The following IGSF9 variants were observed in gnomAD, a reference collection of about 807,000 sequenced individuals.
IGSF9 encodes immunoglobulin superfamily member 9.
IGSF9 carries 87 observed loss-of-function variants against 121.7 expected under a neutral mutation model. The ratio of observed to expected loss-of-function variants is 0.71; its 90% CI spans 0.60 to 0.85. The LOEUF (loss-of-function observed/expected upper bound fraction) is 0.85, where lower values mean the gene tolerates loss of function less well. IGSF9 is among the 40% of genes least tolerant of loss of function. The pLI is 0.00. For missense variants in IGSF9, 1,462 were observed against 1,565.3 expected (o/e 0.93, Z 1.11); for synonymous variants, 640 against 648.4 (o/e 0.99, Z 0.20).
rs541066961 is a variant in IGSF9, at chr1:159,929,152, T to G, written c.2370-134A>C. 4.5e-6 allele frequency: 6 copies of G among 1,321,926 alleles called. No homozygotes were observed. The East Asian group carries it at 1.5e-4, about 33-fold the overall frequency. 81.9% of individuals were successfully genotyped at this position (1,321,926 alleles called of 1,614,324 possible). Reference sequence around the variant, plus strand: ...ACAAGCGAGGAAAGGACCAACAAGGTGGAGGGGTGGAGGGAAGGCACAGGC... The same window carrying G: ...ACAAGCGAGGAAAGGACCAACAAGGGGGAGGGGTGGAGGGAAGGCACAGGC... On this transcript the variant is annotated intron_variant, in intron 18 of 20. Transcript: ENST00000368094.
At position 159,932,058 on chromosome 1, in the gene IGSF9, C is replaced by G. The variant is rs941555505; in HGVS notation, c.1246-130G>C. 9 of 634,278 alleles carry G rather than the reference C, an allele frequency of 1.4e-5. No individual in the cohort carries two copies. The African/African-American group carries it at 1.5e-4, about 10-fold the overall frequency. The allele number at this position is 634,278 out of a possible 1,614,324, so 39.3% of individuals were successfully genotyped here. On this transcript the variant is annotated intron_variant, in intron 10 of 20. Transcript: ENST00000368094. The surrounding 1 kb of genome is among the most constrained non-coding windows in gnomAD (Gnocchi z 4.1). ...TCACTCCCCCTAGCTAAACACTCAC[C>G]AAGCCTGTCTCTACCTCATTCTCTC...
At chr1:159,927,991 G>A (rs1650805967) in intron 19 of IGSF9, 104 bp from the exon 20 acceptor site, 1 of 1,500,714 alleles carries the variant, frequency 6.7e-7, no homozygotes, top group African/African-American at 1.4e-5. Context: ...TAGGTCATGG[G>A]TTTCCCCTGA....
Position 159,927,538 on chromosome 1 carries a change from G to A in IGSF9, c.3359-12C>T, listed in dbSNP as rs41264833. 38,693 of 1,607,200 alleles carry A rather than the reference G, an allele frequency of 0.024. 881 individuals carry two copies. Among genetic ancestry groups the A allele is most frequent in the South Asian group, 0.099 (8,980 of 90,696 alleles). ...TGGAGTCTTCACACCTGCAAGAGGC[G>A]GGCAGGACAATGAGAAGAAGCCCTG... On this transcript the variant is annotated splice_polypyrimidine_tract_variant and intron_variant, in intron 20 of 20. Transcript: ENST00000368094.
chr1:159,943,509 G>C lies in IGSF9; in HGVS notation c.-55C>G. 1 of 1,467,712 alleles carries C rather than the reference G, an allele frequency of 6.8e-7. No homozygotes were observed. Among genetic ancestry groups the C allele is most frequent in the East Asian group, 2.5e-5 (1 of 40,118 alleles). 90.9% of individuals were successfully genotyped at this position (1,467,712 alleles called of 1,614,324 possible). ...CCTATCCACAGGAGCCCAGATGGAG[G>C]GGCCAAGGGATGTCCTTCTGATCAG... On this transcript the variant is annotated 5_prime_UTR_variant, in exon 2 of 21. Coordinates refer to ENST00000368094, the MANE Select transcript of IGSF9 (RefSeq NM_001135050.2).
Position 159,934,498 on chromosome 1 carries a change from G to C in IGSF9, c.888C>G (p.Ala296=). ...LRLLATQPDD[A]GCYTCVPSNG... ...TGCTGGGCACACAGGTGTAGCAGCC[G>C]GCATCATCAGGCTGGGTGGCCAGCA... is the stretch of plus-strand genomic sequence containing the variant. The change falls in exon 8 of 21, where the codon GCC becomes GCG. Residue 296 remains alanine (A), a synonymous_variant. Coordinates refer to ENST00000368094, the MANE Select transcript of IGSF9 (RefSeq NM_001135050.2). The C allele has an allele frequency of 1.2e-6, 2 of 1,612,472 alleles. No homozygotes were observed. Among genetic ancestry groups the C allele is most frequent in the Admixed American group, 1.7e-5 (1 of 59,848 alleles).
rs767110567 is a variant in IGSF9, at chr1:159,931,850, C to A, written c.1324G>T (p.Ala442Ser). 2 of 1,593,400 alleles carry A rather than the reference C, an allele frequency of 1.3e-6. No individual in the cohort carries two copies. Among genetic ancestry groups the A allele is most frequent in the Non-Finnish European group, 8.5e-7 (1 of 1,172,342 alleles). ...VGRELLIPCS[A>S]QGDPPPVVSW... The stretch of plus-strand genomic sequence containing the variant: ...ACAACAGGAGGAGGGTCCCCTTGGG[C>A]GGAGCAGGGGATGAGCAGCTCCCGC... Residue 442 changes from alanine to serine, a missense_variant, in exon 11 of 21, where the codon GCC becomes TCC. Physicochemically the swap from Ala to Ser is moderately conservative, Grantham distance 99 (BLOSUM62 1). Coordinates refer to ENST00000368094, the MANE Select transcript of IGSF9 (RefSeq NM_001135050.2). This position sits in a 1 kb window ranked among gnomAD's most constrained non-coding sequence, Gnocchi z 4.8.
rs1394896984 is a variant in IGSF9 at position 159,930,787 on chromosome 1, C to G, written c.1718G>C (p.Gly573Ala). The G allele has an allele frequency of 6.2e-7, 1 of 1,614,104 alleles. No individual in the cohort carries two copies. Among genetic ancestry groups the G allele is most frequent in the Non-Finnish European group, 8.5e-7 (1 of 1,179,986 alleles). The change falls in exon 14 of 21, where the codon GGG becomes GCG. Residue 573 changes from glycine (G) to alanine (A), a missense_variant. By Grantham distance (60) the Gly-to-Ala change is moderately conservative (BLOSUM62 0). Transcript: ENST00000368094. ...CTGGTACTGGGTGTGGGGCTGCAGC[C>G]CTGGCACTAGGAGGTGAGCAGCCCC... ...PVGAAHLLVP[G>A]LQPHTQYQFS...
Position 159,929,878 on chromosome 1 carries a change from G to T in IGSF9, c.2149+13C>A, listed in dbSNP as rs376338236. The T allele has an allele frequency of 1.9e-5, 30 of 1,576,798 alleles. No individual in the cohort carries two copies. The highest frequency in any genetic ancestry group is 1.2e-4 in the African/African-American group (9 of 73,968). ...AGCAGCCCTGGGGCTCCTCCCTCAC[G>T]CCAGGTGCTCACCGGAAGTGGAGAC... On this transcript the variant is annotated intron_variant, in intron 16 of 20. Transcript: ENST00000368094.
chr1:159,943,982 T>C (rs1651500372), intron 1 of IGSF9, among the ~76,000 whole-genome samples: 1 of 152,012 alleles, frequency 6.6e-6, no homozygotes, highest in African/African-American at 2.4e-5. Flanking sequence ...GAAAAATATT[T>C]TTGAAGGAAG....
chr1:159,927,876 G>C lies in IGSF9; in HGVS notation c.3242C>G (p.Ser1081Cys). The change falls in exon 20 of 21, where the codon TCT becomes TGT. Residue 1081 changes from serine (S) to cysteine (C), a missense_variant. Physicochemically the swap from Ser to Cys is moderately radical, Grantham distance 112 (BLOSUM62 -1). Around this residue, in one of 3 missense-constraint regions of IGSF9, gnomAD observed 808 missense variants for 815.2 expected, o/e 0.99. Transcript: ENST00000368094. Reference protein sequence around the residue: ...VVTVSKRRNTSVDENYEWDSE... With the variant: ...VVTVSKRRNTCVDENYEWDSE... Reference sequence around the variant, plus strand: ...GTCCCACTCATAGTTCTCGTCCACAGATGTGTTCCTCCTGTAAAAAAAAAA... The same window carrying C: ...GTCCCACTCATAGTTCTCGTCCACACATGTGTTCCTCCTGTAAAAAAAAAA... 6.3e-7 allele frequency: 1 copy of C among 1,589,208 alleles called. No individual in the cohort carries two copies. The highest frequency in any genetic ancestry group is 8.5e-7 in the Non-Finnish European group (1 of 1,172,600).
At chr1:159,945,432 C>T (rs1651548674) in intron 1 of IGSF9, 141 bp downstream of exon 1, 1 of 152,300 alleles carries the variant, frequency 6.6e-6, no homozygotes, top group Non-Finnish European at 1.5e-5. Context: ...AAGAATTCCA[C>T]TTCACTCCCC....
chr1:159,940,204 G>C (rs1011899538), intron 3 of IGSF9, among the ~76,000 whole-genome samples: 1 of 152,216 alleles, frequency 6.6e-6, no homozygotes, highest in African/African-American at 2.4e-5. Context: ...CCATGGACAC[G>C]GGTGTTAGGA....
chr1:159,935,301 C>T (rs1651145108), intron 6 of IGSF9, among the ~76,000 whole-genome samples: 2 of 152,200 alleles, frequency 1.3e-5, no homozygotes, highest in South Asian at 4.1e-4. Context: ...CACTTCTGCT[C>T]AGGAACCTGC....
rs761040736 is a variant in IGSF9 at position 159,927,254 on chromosome 1, G to A, written c.*91C>T. On this transcript the variant is annotated 3_prime_UTR_variant, in exon 21 of 21. Coordinates refer to ENST00000368094, the MANE Select transcript of IGSF9 (RefSeq NM_001135050.2). The stretch of plus-strand genomic sequence containing the variant: ...GCCTGGGCACCAAAGGGGCAGGCAG[G>A]GGCAGTGCCCTCGTTTGAAACTAGG... 6.7e-7 allele frequency: 1 copy of A among 1,498,508 alleles called. No individual in the cohort carries two copies. 92.8% of individuals were successfully genotyped at this position (1,498,508 alleles called of 1,614,324 possible).
Position 159,932,624 on chromosome 1 carries a change from C to G in IGSF9, c.1133G>C (p.Gly378Ala), listed in dbSNP as rs145285329. The change falls in exon 10 of 21, where the codon GGC becomes GCC. Residue 378 changes from glycine to alanine, a missense_variant. Physicochemically the swap from Gly to Ala is moderately conservative, Grantham distance 60. Around this residue, in one of 3 missense-constraint regions of IGSF9, gnomAD observed 558 missense variants for 599.4 expected, o/e 0.93. Transcript: ENST00000368094. This position sits in a 1 kb window ranked among gnomAD's most constrained non-coding sequence, Gnocchi z 4.1. The part of the protein sequence containing the change: ...KFPGWSQGTE[G>A]SLIIALGNED... ...GTTCCCCAGGGCGATGATCAGTGAG[C>G]CTTCTGTGCCCTGGGACCAGCCAGG... 2.7e-3 allele frequency: 4,355 copies of G among 1,613,226 alleles called. 8 individuals carry two copies. Among genetic ancestry groups the G allele is most frequent in the Non-Finnish European group, 3.3e-3 (3,871 of 1,179,390 alleles).
In IGSF9 at chr1:159,930,693, T is replaced by C; in HGVS notation, c.1812A>G (p.Glu604=). ...PFSEIVLSAP[E]GLPTTPAAPG... is the part of the protein sequence containing the mutation. ...GTTCTGGGACGAGAAGCTTCTCACCTTCCGGAGCAGACAAGACGATTTCGC... is the reference window on the plus strand; with the variant it reads ...GTTCTGGGACGAGAAGCTTCTCACCCTCCGGAGCAGACAAGACGATTTCGC... The change falls in exon 14 of 21, where the codon GAA becomes GAG. Residue 604 remains glutamate, a splice_region_variant and synonymous_variant. Transcript: ENST00000368094. 6.2e-7 allele frequency: 1 copy of C among 1,614,030 alleles called. No individual in the cohort carries two copies. Among genetic ancestry groups the C allele is most frequent in the South Asian group, 1.1e-5 (1 of 91,078 alleles).
chr1:159,936,823 GCCA>G lies in IGSF9; in HGVS notation c.483_485del (p.Gly162del). The G allele has an allele frequency of 6.2e-7, 1 of 1,614,208 alleles. No homozygotes were observed. The highest frequency in any genetic ancestry group is 8.5e-7 in the Non-Finnish European group (1 of 1,180,010). ...TCCACGTCACATGAGGCAGGGGGCT[GCCA>G]CGGGCCACACAACGCAGGGTCACAG... On this transcript the variant is annotated inframe_deletion, in exon 5 of 21. Transcript: ENST00000368094.
At chr1:159,942,898 C>G in intron 3 of IGSF9, 65 bp downstream of exon 3, 1 of 1,412,260 alleles carries the variant, frequency 7.1e-7, no homozygotes, top group South Asian at 1.2e-5. Context: ...AGGCCTTGTG[C>G]GACTCTACCC....
In IGSF9 at chr1:159,928,901, G is replaced by T; in HGVS notation, c.2487C>A (p.Pro829=). Residue 829 remains proline (P), a synonymous_variant, in exon 19 of 21, where the codon CCC becomes CCA. Transcript: ENST00000368094. ...LWGDPAGTPS[P]HPDPPSSRGP... ...CCCGGCTAGATGGAGGATCCGGGTG[G>T]GGGCTGGGAGTTCCGGCAGGATCCC... The T allele has an allele frequency of 6.3e-7, 1 of 1,593,808 alleles. No individual in the cohort carries two copies. Among genetic ancestry groups the T allele is most frequent in the East Asian group, 2.3e-5 (1 of 44,340 alleles).
Sources: allele counts gnomAD v4.1 joint callset (sites outside exome capture counted in the v4.1 genomes callset), GRCh38; gene constraint gnomAD v4.1.1; regional missense constraint gnomAD v4.1.1; non-coding constraint Gnocchi (gnomAD v3.1); transcripts MANE v1.5; gene names NCBI Gene and HGNC (gene_info 2026-07-23, HGNC 2026-07-21).